SCN2A: variants seen among roughly 807,000 people sequenced by gnomAD.
SCN2A encodes the protein sodium voltage-gated channel alpha subunit 2, also known as sodium channel protein type 2 subunit alpha.
In SCN2A, 20 loss-of-function variants were observed where a neutral mutation model predicts 188.7. The ratio of observed to expected loss-of-function variants is 0.11; its 90% confidence interval spans 0.07 to 0.15. SCN2A has a LOEUF of 0.15. Ranked by LOEUF, SCN2A falls within the 10% of genes least tolerant of loss-of-function variation. SCN2A has a pLI of 1.00. For missense variants in SCN2A, 1,278 were observed against 2,445.0 expected (o/e 0.52, Z 10.07); for synonymous variants, 804 against 833.1 (o/e 0.97, Z 0.60).
chr2:165,282,657 C>A (rs753208317), intron 1 of SCN2A, among the ~76,000 whole-genome samples: 7 of 152,162 alleles, frequency 4.6e-5, no homozygotes, highest in Non-Finnish European at 8.8e-5. Context: ...CTCAAGGAAT[C>A]TTCCAGTTTG....
Position 165,344,798 on chromosome 2 carries a change from T to G in SCN2A, c.2806T>G (p.Phe936Val). 1 of 1,614,204 alleles carries G rather than the reference T, an allele frequency of 6.2e-7. No homozygotes were observed. The part of the protein sequence containing the change: ...HDFFHSFLIV[F>V]RVLCGEWIET... ...CTTTTTCCACTCCTTCCTGATCGTG[T>G]TCCGCGTGCTGTGTGGAGAGTGGAT... The change falls in exon 16 of 27, where the codon TTC becomes GTC. Residue 936 changes from phenylalanine to valine, a missense_variant. Transcript: ENST00000375437.
At chr2:165,256,580 T>C (rs1396960536) in intron 1 of SCN2A, among the ~76,000 whole-genome samples, 1 of 152,240 alleles carries the variant, frequency 6.6e-6, no homozygotes, top group Non-Finnish European at 1.5e-5. Context: ...ACTTAATTTC[T>C]GCATTTTCAA....
intron 14 of SCN2A, among the ~76,000 whole-genome samples, chr2:165,337,604 A>G (rs867497747): frequency 6.6e-6 from 1 of 152,164 alleles, no homozygotes; most frequent in African/African-American, 2.4e-5. Flanking sequence ...TTTACTATAT[A>G]CATGAGACTA....
chr2:165,315,961 C>G lies in SCN2A; in HGVS notation c.1671+203C>G, dbSNP rs374955584. On this transcript the variant is annotated intron_variant, in intron 11 of 26. Coordinates refer to ENST00000375437, the MANE Select transcript of SCN2A (RefSeq NM_001040142.2). ...AATCCCAGGAAGGAAATTTTAGATC[C>G]CTCTGGGTTTGGAAAAATTTGCGGT... Among the ~76,000 whole-genome samples the G allele has an allele frequency of 2.0e-4, 31 of 152,168 alleles. No individual in the cohort carries two copies. In the South Asian group the frequency reaches 5.6e-3, roughly 28 times the overall value.
rs771459929 is a variant in SCN2A at position 165,373,265 on chromosome 2, C to T, written c.3890C>T (p.Ser1297Leu). 1 of 1,613,452 alleles carries T rather than the reference C, an allele frequency of 6.2e-7. No individual in the cohort carries two copies. The highest frequency in any genetic ancestry group is 8.5e-7 in the Non-Finnish European group (1 of 1,179,508). ...TTAACTGCAAATGCCTTGGGTTACT[C>T]AGAACTTGGTGCCATCAAATCCCTC... The part of the protein sequence containing the change: ...VSLTANALGY[S>L]ELGAIKSLRT... The change falls in exon 21 of 27, where the codon TCA (serine) becomes TTA (leucine). Residue 1297 changes from serine to leucine, a missense_variant. Physicochemically the swap from Ser to Leu is moderately radical, Grantham distance 145. Coordinates refer to ENST00000375437, the MANE Select transcript of SCN2A (RefSeq NM_001040142.2).
chr2:165,308,805 T>G lies in SCN2A; in HGVS notation c.605+11T>G, dbSNP rs745737430. ...AGTCATTACTTTTGCGTAAGTATCT[T>G]AATACATTTTCTATCCTGGAAGAGT... On this transcript the variant is annotated intron_variant, in intron 5 of 26. Coordinates refer to ENST00000375437, the MANE Select transcript of SCN2A (RefSeq NM_001040142.2). 6.2e-7 allele frequency: 1 copy of G among 1,612,378 alleles called. No homozygotes were observed. The highest frequency in any genetic ancestry group is 8.5e-7 in the Non-Finnish European group (1 of 1,178,766).
intron 1 of SCN2A, among the ~76,000 whole-genome samples, chr2:165,279,278 A>G (rs1207753800): frequency 6.6e-6 from 1 of 152,214 alleles, no homozygotes; most frequent in Non-Finnish European, 1.5e-5. Flanking sequence ...TATTTGAGAT[A>G]ATTTTGATAA....
At chr2:165,368,242 G>A (rs1331398519) in intron 19 of SCN2A, among the ~76,000 whole-genome samples, 2 of 152,134 alleles carry the variant, frequency 1.3e-5, no homozygotes, top group African/African-American at 2.4e-5. Context: ...TCCCTCTGAT[G>A]TCAAGCTACT....
chr2:165,351,531 C>G (rs193238303), intron 16 of SCN2A, among the ~76,000 whole-genome samples: 31 of 149,108 alleles, frequency 2.1e-4, no homozygotes, highest in African/African-American at 6.9e-4. Context: ...ACTTATTCTG[C>G]AAACATCACA....
chr2:165,249,280 C>G (rs921410468), intron 1 of SCN2A, among the ~76,000 whole-genome samples: 1 of 152,200 alleles, frequency 6.6e-6, no homozygotes, highest in African/African-American at 2.4e-5. Context: ...TATGCTGTGT[C>G]CTGAGCTTTC....
At chr2:165,331,040 C>T (rs1698644739) in intron 13 of SCN2A, among the ~76,000 whole-genome samples, 1 of 152,094 alleles carries the variant, frequency 6.6e-6, no homozygotes. Context: ...GCAAGTTCTA[C>T]CCATTAGTTT....
At chr2:165,240,511 A>G (rs1186228924) in intron 1 of SCN2A, among the ~76,000 whole-genome samples, 1 of 152,172 alleles carries the variant, frequency 6.6e-6, no homozygotes, top group Non-Finnish European at 1.5e-5. Context: ...TTATTATTAG[A>G]ATAACAGGAA....
rs770838929 is a variant in SCN2A at position 165,389,641 on chromosome 2, CAAA to C, written c.5836_5838del (p.Lys1946del). On this transcript the variant is annotated inframe_deletion, in exon 27 of 27. Transcript: ENST00000375437. The surrounding 1 kb of genome is among the most constrained non-coding windows in gnomAD (Gnocchi z 4.2). ...GCAAAGAATGTGATGGAACACCCAT[CAAA>C]GAAGATACTCTCATTGATAAACTGA... 1.1e-5 allele frequency: 17 copies of C among 1,613,818 alleles called. No individual in the cohort carries two copies. In the African/African-American group the frequency reaches 2.1e-4, roughly 20 times the overall value.
At chr2:165,351,340 G>T (rs1211605402) in intron 16 of SCN2A, among the ~76,000 whole-genome samples, 1 of 152,106 alleles carries the variant, frequency 6.6e-6, no homozygotes, top group Non-Finnish European at 1.5e-5. Flanking sequence ...AAAGTCATAT[G>T]TTCCAGGGAT....
intron 20 of SCN2A, 142 bp from the exon 21 acceptor site, chr2:165,373,083 A>G: frequency 1.2e-6 from 1 of 833,268 alleles, no homozygotes. Flanking sequence ...AGACTCTGCT[A>G]TTGGTGTTTT....
At chr2:165,362,449 C>T (rs1680644954) in intron 17 of SCN2A, among the ~76,000 whole-genome samples, 1 of 151,826 alleles carries the variant, frequency 6.6e-6, no homozygotes, top group Non-Finnish European at 1.5e-5. Context: ...CATTTTCAGC[C>T]AAGTACAGCA....
chr2:165,291,501 T>C (rs1454452748), intron 1 of SCN2A, among the ~76,000 whole-genome samples: 1 of 140,120 alleles, frequency 7.1e-6, no homozygotes, highest in Non-Finnish European at 1.5e-5. Flanking sequence ...TTTTCTTTCT[T>C]TCTTTCTTTC....
chr2:165,254,937 T>C (rs546233605), intron 1 of SCN2A, among the ~76,000 whole-genome samples: 7 of 152,004 alleles, frequency 4.6e-5, no homozygotes, highest in African/African-American at 9.6e-5. Flanking sequence ...TCTAATAACA[T>C]TGGAAAACCT....
chr2:165,266,222 T>C (rs528017176), intron 1 of SCN2A, among the ~76,000 whole-genome samples: 20 of 152,218 alleles, frequency 1.3e-4, no homozygotes, highest in Non-Finnish European at 2.8e-4. Context: ...TTTTCTTTCA[T>C]GAAATACTCA....
Sources: allele counts gnomAD v4.1 joint callset (sites outside exome capture counted in the v4.1 genomes callset), GRCh38; gene constraint gnomAD v4.1.1; non-coding constraint Gnocchi (gnomAD v3.1); transcripts MANE v1.5; gene names NCBI Gene and HGNC (gene_info 2026-07-23, HGNC 2026-07-21).